Variants in SCNN1B observed in about 807,000 individuals in gnomAD.
SCNN1B encodes sodium channel epithelial 1 subunit beta.
SCNN1B carries 46 observed loss-of-function variants against 65.3 expected under a neutral mutation model. The ratio of observed to expected loss-of-function variants is 0.70; its 90% CI spans 0.56 to 0.90. The LOEUF is 0.90. Ranked by LOEUF, SCNN1B falls within the 40% of genes least tolerant of loss-of-function variation. The pLI, the probability that SCNN1B is intolerant of heterozygous loss-of-function variation, is 0.00. For missense variants in SCNN1B, 751 were observed against 830.5 expected (o/e 0.90, Z 1.18); for synonymous variants, 349 against 330.6 (o/e 1.06, Z -0.60).
chr16:23,350,034 C>T (rs1203474493), intron 2 of SCNN1B, among the ~76,000 whole-genome samples: 1 of 151,132 alleles, frequency 6.6e-6, no homozygotes, highest in Non-Finnish European at 1.5e-5. Context: ...GCTGAGATTG[C>T]ATCACTGCAC....
chr16:23,378,860 A>G (rs1416250296), intron 11 of SCNN1B, 93 bp downstream of exon 11: 14 of 1,180,870 alleles, frequency 1.2e-5, no homozygotes, highest in Non-Finnish European at 1.8e-5. Context: ...CCTCAGACAC[A>G]TTCTCACATG....
At chr16:23,304,995 T>C (rs894214563) in intron 1 of SCNN1B, among the ~76,000 whole-genome samples, 1 of 151,910 alleles carries the variant, frequency 6.6e-6, no homozygotes, top group Non-Finnish European at 1.5e-5. Context: ...CCTTGGGTGG[T>C]GGGGGGACGC....
rs1314003362 is a variant in SCNN1B, at chr16:23,365,519, AAAAG to A, written c.777-2335_777-2332del. ...GAAAGAAAAAGAAAGAAAGAAAAGA[AAAAG>A]AGAGAAAGAGAGAAGGAAAGAGAAA... is the stretch of plus-strand genomic sequence containing the variant. On this transcript the variant is annotated intron_variant, in intron 4 of 12. Coordinates refer to ENST00000343070, the MANE Select transcript of SCNN1B (RefSeq NM_000336.3). 3.6e-4 allele frequency among the ~76,000 whole-genome samples: 54 copies of A among 148,042 alleles called. No individual in the cohort carries two copies. The South Asian group carries it at 9.0e-3, about 25-fold the overall frequency.
At chr16:23,307,632 T>C (rs1461748842) in intron 1 of SCNN1B, among the ~76,000 whole-genome samples, 3 of 152,312 alleles carry the variant, frequency 2.0e-5, no homozygotes, top group Admixed American at 2.0e-4. Flanking sequence ...CTGTGCTCCT[T>C]TATGCCCCTT....
chr16:23,381,088 C>A lies in SCNN1B; in HGVS notation c.*287C>A. 2 of 484,480 alleles carry A rather than the reference C, an allele frequency of 4.1e-6. No homozygotes were observed. The highest frequency in any genetic ancestry group is 7.6e-6 in the Non-Finnish European group (2 of 264,612). The allele number at this position is 484,480 out of a possible 1,614,324, so 30.0% of individuals were successfully genotyped here. Reference sequence around the variant, plus strand: ...GGTCCTGAAGACCCCTCGGAACACCCTCTCCTGGTGGCAGGCCACTTCCCT... The same window carrying A: ...GGTCCTGAAGACCCCTCGGAACACCATCTCCTGGTGGCAGGCCACTTCCCT... On this transcript the variant is annotated 3_prime_UTR_variant, in exon 13 of 13. Coordinates refer to ENST00000343070, the MANE Select transcript of SCNN1B (RefSeq NM_000336.3).
chr16:23,302,076 G>A (rs1006918277), upstream of SCNN1B, among the ~76,000 whole-genome samples: 6 of 152,292 alleles, frequency 3.9e-5, no homozygotes, highest in Admixed American at 3.9e-4. Context: ...CGTGGCGCAT[G>A]TGGGTATCGC....
At chr16:23,288,666 A>G (rs1596807127) in intron 2 of SCNN1B, among the ~76,000 whole-genome samples, 1 of 152,146 alleles carries the variant, frequency 6.6e-6, no homozygotes, top group African/African-American at 2.4e-5. Flanking sequence ...AAAATGAGCC[A>G]GGTGTGGTGG....
chr16:23,300,572 A>T (rs1236070163), upstream of SCNN1B, among the ~76,000 whole-genome samples: 1 of 151,900 alleles, frequency 6.6e-6, no homozygotes, highest in African/African-American at 2.4e-5. Flanking sequence ...ATGATGGCTC[A>T]CACCTGTTAT....
At chr16:23,354,265 A>G (rs1447450172) in intron 3 of SCNN1B, among the ~76,000 whole-genome samples, 2 of 152,242 alleles carry the variant, frequency 1.3e-5, no homozygotes, top group Non-Finnish European at 2.9e-5. Flanking sequence ...TAGATGTAAG[A>G]CACTGGGAAC....
At chr16:23,299,225 A>G (rs920331598), upstream of SCNN1B, among the ~76,000 whole-genome samples, 5 of 151,616 alleles carry the variant, frequency 3.3e-5, no homozygotes, top group African/African-American at 1.2e-4. Context: ...ATGCCTGGCT[A>G]ATTTTTTGTA....
At chr16:23,289,996 T>C (rs1960901476) in intron 2 of SCNN1B, among the ~76,000 whole-genome samples, 1 of 152,094 alleles carries the variant, frequency 6.6e-6, no homozygotes, top group Non-Finnish European at 1.5e-5. Context: ...CATTTCAATA[T>C]GATCAAAACC....
Position 23,355,503 on chromosome 16 carries a change from C to T in SCNN1B, c.776+14C>T. 2 of 1,613,562 alleles carry T rather than the reference C, an allele frequency of 1.2e-6. No homozygotes were observed. The highest frequency in any genetic ancestry group is 1.7e-6 in the Non-Finnish European group (2 of 1,179,874). ...CTGCAACTACCGGTGAGAGCCACCC[C>T]AAGCCCACCCGGCCAGGCCCTGGCA... On this transcript the variant is annotated intron_variant, in intron 4 of 12. Transcript: ENST00000343070.
chr16:23,349,220 G>A (rs1221880640), intron 2 of SCNN1B, among the ~76,000 whole-genome samples: 3 of 152,114 alleles, frequency 2.0e-5, no homozygotes, highest in African/African-American at 7.2e-5. Flanking sequence ...GCAGTGGCCT[G>A]TAATAACAGC....
At chr16:23,377,276 C>A (rs1962920496) in intron 9 of SCNN1B, 36 bp downstream of exon 9, 1 of 1,613,920 alleles carries the variant, frequency 6.2e-7, no homozygotes. Flanking sequence ...AGCGGGCAGG[C>A]ATGGAGGGGC....
At chr16:23,362,094 C>A (rs1278470997) in intron 4 of SCNN1B, among the ~76,000 whole-genome samples, 1 of 151,806 alleles carries the variant, frequency 6.6e-6, no homozygotes, top group African/African-American at 2.4e-5. Flanking sequence ...TATGTAATCC[C>A]AGCACTTTGG....
chr16:23,357,351 G>A (rs1164948031), intron 4 of SCNN1B, among the ~76,000 whole-genome samples: 2 of 152,262 alleles, frequency 1.3e-5, no homozygotes, highest in Non-Finnish European at 2.9e-5. Flanking sequence ...GGGAGGCCAA[G>A]GCGGGTGGAT....
chr16:23,354,106 C>T (rs901885853), intron 3 of SCNN1B, among the ~76,000 whole-genome samples: 2 of 152,186 alleles, frequency 1.3e-5, no homozygotes, highest in Non-Finnish European at 2.9e-5. Context: ...TGCTTTATCC[C>T]CACCTCTCCA....
At chr16:23,311,286 G>A (rs28595421) in intron 1 of SCNN1B, among the ~76,000 whole-genome samples, 9,636 of 152,228 alleles carry the variant, frequency 0.063, 1,030 homozygotes, top group African/African-American at 0.22. Flanking sequence ...AGGCCACCTC[G>A]TTCCCCTCCA....
At chr16:23,287,475 G>T (rs1960866444) in intron 2 of SCNN1B, among the ~76,000 whole-genome samples, 1 of 152,100 alleles carries the variant, frequency 6.6e-6, no homozygotes, top group African/African-American at 2.4e-5. Context: ...ACTTTGGGAG[G>T]CTGAGGTGGG....
Sources: allele counts gnomAD v4.1 joint callset (sites outside exome capture counted in the v4.1 genomes callset), GRCh38; gene constraint gnomAD v4.1.1; transcripts MANE v1.5; gene names NCBI Gene and HGNC (gene_info 2026-07-23, HGNC 2026-07-21).